GP2: variants seen among roughly 807,000 people sequenced by gnomAD.
GP2 encodes pancreatic secretory granule membrane major glycoprotein GP2.
In GP2, 58 loss-of-function variants were observed where a neutral mutation model predicts 60.8. The ratio of observed to expected loss-of-function variants is 0.95; its 90% CI spans 0.77 to 1.19. GP2 has a LOEUF of 1.19. GP2 is among the 50% of genes most tolerant of loss of function. The pLI, the probability that GP2 is intolerant of heterozygous loss-of-function variation, is 0.00. For synonymous variants in GP2, 280 were observed against 253.4 expected (o/e 1.10, Z -1.00); for missense variants, 647 against 667.4 (o/e 0.97, Z 0.34).
In GP2 at chr16:20,322,993, C is replaced by T. The variant is rs748864200; in HGVS notation, c.536-14G>A. On this transcript the variant is annotated splice_polypyrimidine_tract_variant and intron_variant, in intron 3 of 10. Transcript: ENST00000302555. The stretch of plus-strand genomic sequence containing the variant: ...CAGTGGATGGGTCTAGGTGATGGGG[C>T]ATGGAGAGAGAAGATCAGGATGCAG... 1.4e-6 allele frequency: 2 copies of T among 1,465,264 alleles called. No individual in the cohort carries two copies. The highest frequency in any genetic ancestry group is 1.7e-5 in the Admixed American group (1 of 59,714). 90.8% of individuals were successfully genotyped at this position (1,465,264 alleles called of 1,614,324 possible).
chr16:20,323,654 G>T, intron 3 of GP2, 162 bp downstream of exon 3: 1 of 611,702 alleles, frequency 1.6e-6, no homozygotes, highest in Non-Finnish European at 2.9e-6. Flanking sequence ...TGAAATGTTG[G>T]AAGGTCTCAA....
Position 20,318,241 on chromosome 16 carries a change from A to G in GP2, c.1197T>C (p.Tyr399=), listed in dbSNP as rs766469741. The change falls in exon 7 of 11, where the codon TAT becomes TAC. Residue 399 remains tyrosine (Y), a synonymous_variant. Transcript: ENST00000302555. The part of the protein sequence containing the change: ...SRFNLVLRNC[Y]ATPTEDKADL... ...CAGCCTTGTCTTCAGTGGGGGTGGC[A>G]TAGCAGTTCCTCAACACCAGGTTAA... 3 of 1,612,160 alleles carry G rather than the reference A, an allele frequency of 1.9e-6. No individual in the cohort carries two copies. The highest frequency in any genetic ancestry group is 1.7e-6 in the Non-Finnish European group (2 of 1,178,262).
At chr16:20,314,570 A>T in intron 10 of GP2, 87 bp downstream of exon 10, 1 of 910,680 alleles carries the variant, frequency 1.1e-6, no homozygotes, top group South Asian at 1.3e-5. Flanking sequence ...TGTCCCTAGC[A>T]TAGGGTCTGG....
At chr16:20,322,033 G>T (rs1964376173) in intron 4 of GP2, among the ~76,000 whole-genome samples, 1 of 152,226 alleles carries the variant, frequency 6.6e-6, no homozygotes. Context: ...GATCAAGGTT[G>T]TTGGTTGTTC....
intron 8 of GP2, 62 bp from the exon 9 acceptor site, chr16:20,316,102 C>T: frequency 7.5e-6 from 8 of 1,062,288 alleles, no homozygotes; most frequent in Admixed American, 3.4e-5. Flanking sequence ...ATCTAGACTG[C>T]TCCTACAATG....
Position 20,316,006 on chromosome 16 carries a change from G to GGTA in GP2, c.1448_1450dup (p.Val483_Pro484insLeu), listed in dbSNP as rs756924759. 4.9e-4 allele frequency: 787 copies of GGTA among 1,612,938 alleles called. No homozygotes were observed. Among genetic ancestry groups the GGTA allele is most frequent in the Non-Finnish European group, 6.4e-4 (760 of 1,179,086 alleles). ...TAGAACCCGGGCTAGGTCGATGGCC[G>GGTA]GTACTTCACTGCGGACTTGACTTCT... On this transcript the variant is annotated inframe_insertion, in exon 9 of 11. Transcript: ENST00000302555.
At chr16:20,323,585 T>C (rs770168456) in intron 3 of GP2, 8 of 604,188 alleles carry the variant, frequency 1.3e-5, no homozygotes, top group Non-Finnish European at 2.4e-5. Context: ...AGTTCTGGAT[T>C]TTATGCTACA....
intron 4 of GP2, among the ~76,000 whole-genome samples, chr16:20,322,133 C>T (rs1964380938): frequency 6.6e-6 from 1 of 152,222 alleles, no homozygotes; most frequent in Non-Finnish European, 1.5e-5. Flanking sequence ...ATGTGTCATG[C>T]TCCTTCTTGT....
chr16:20,323,038 C>T, intron 3 of GP2, 59 bp from the exon 4 acceptor site: 1 of 917,920 alleles, frequency 1.1e-6, no homozygotes, highest in Non-Finnish European at 1.8e-6. Flanking sequence ...GACTTGAGGC[C>T]CCCAAGTCCA....
rs757038072 is a variant in GP2 at position 20,320,275 on chromosome 16, C to T, written c.845G>A (p.Arg282Lys). 1 of 1,613,006 alleles carries T rather than the reference C, an allele frequency of 6.2e-7. No individual in the cohort carries two copies. Among genetic ancestry groups the T allele is most frequent in the Non-Finnish European group, 8.5e-7 (1 of 1,178,918 alleles). ...AAAGCCACTTACCTCCAGAATGTTCCTGCAGGCACTAGCCTGGACGGGGCT... is the reference window on the plus strand; with the variant it reads ...AAAGCCACTTACCTCCAGAATGTTCTTGCAGGCACTAGCCTGGACGGGGCT... ...VTSPVQASAC[R>K]NILERNQTHA... The change falls in exon 5 of 11, where the codon AGG becomes AAG. Residue 282 changes from arginine (R) to lysine (K), a missense_variant. Arg to Lys is a conservative substitution (Grantham distance 26). Transcript: ENST00000302555.
intron 4 of GP2, among the ~76,000 whole-genome samples, chr16:20,321,145 G>T (rs1427990315): frequency 1.3e-5 from 2 of 151,432 alleles, no homozygotes; most frequent in Non-Finnish European, 2.9e-5. Flanking sequence ...CTGCCTCCTG[G>T]ATTCAAGTGA....
chr16:20,324,339 G>T, intron 2 of GP2, 83 bp from the exon 3 acceptor site: 2 of 857,852 alleles, frequency 2.3e-6, no homozygotes, highest in African/African-American at 1.7e-5. Flanking sequence ...CTCTATTTTG[G>T]CTGTGCTAAG....
chr16:20,323,087 G>A, intron 3 of GP2, 108 bp from the exon 4 acceptor site: 3 of 664,500 alleles, frequency 4.5e-6, no homozygotes, highest in East Asian at 2.7e-5. Context: ...TCTTGCCAAG[G>A]TTGTGTGATA....
chr16:20,323,445 G>A, intron 3 of GP2: 1 of 716,364 alleles, frequency 1.4e-6, no homozygotes, highest in Middle Eastern at 2.3e-4. Context: ...TAGCAACAAG[G>A]ACATTGTGAG....
chr16:20,313,671 C>A (rs78387919), intron 10 of GP2, among the ~76,000 whole-genome samples: 2,256 of 152,274 alleles, frequency 0.015, 41 homozygotes, highest in African/African-American at 0.048. Flanking sequence ...AGGCACATGG[C>A]CCACCCAGAG....
At chr16:20,325,027 C>A (rs1047844469) in intron 2 of GP2, among the ~76,000 whole-genome samples, 2 of 152,230 alleles carry the variant, frequency 1.3e-5, no homozygotes, top group Admixed American at 6.5e-5. Context: ...CAGTTGAGAA[C>A]CACTGATCTA....
chr16:20,318,119 G>A (rs974029678), intron 7 of GP2, 66 bp downstream of exon 7: 2 of 1,327,870 alleles, frequency 1.5e-6, no homozygotes, highest in Non-Finnish European at 2.2e-6. Context: ...GCTGGGGATG[G>A]ATGAGATGAA....
chr16:20,314,713 A>G lies in GP2; in HGVS notation c.1502-12T>C. On this transcript the variant is annotated splice_polypyrimidine_tract_variant and intron_variant, in intron 9 of 10. Coordinates refer to ENST00000302555, the MANE Select transcript of GP2 (RefSeq NM_001502.4). Reference sequence around the variant, plus strand: ...GGGAGACTGTGCACCTGTGAACAAGAACAGAAGGGGTGGGTTTCCTCAGTC... The same window carrying G: ...GGGAGACTGTGCACCTGTGAACAAGGACAGAAGGGGTGGGTTTCCTCAGTC... 1 of 1,592,352 alleles carries G rather than the reference A, an allele frequency of 6.3e-7. No individual in the cohort carries two copies.
intron 9 of GP2, among the ~76,000 whole-genome samples, 170 bp from the exon 10 acceptor site, chr16:20,314,871 CTT>C (rs1964111300): frequency 6.6e-6 from 1 of 152,186 alleles, no homozygotes; most frequent in African/African-American, 2.4e-5. Context: ...TTTCTAGACA[CTT>C]TGCGTGCATC....
Sources: allele counts gnomAD v4.1 joint callset (sites outside exome capture counted in the v4.1 genomes callset), GRCh38; gene constraint gnomAD v4.1.1; transcripts MANE v1.5; gene names NCBI Gene and HGNC (gene_info 2026-07-23, HGNC 2026-07-21).